The following KIAA1217 variants were observed in gnomAD, a reference collection of about 807,000 sequenced individuals.
KIAA1217 encodes sickle tail protein homolog.
Under a neutral mutation model 163.9 loss-of-function variants are expected in KIAA1217, and 88 were observed. The observed-to-expected ratio is 0.54, with a 90% CI of 0.45 to 0.64. The LOEUF is 0.64. KIAA1217 is among the 30% of genes least tolerant of loss of function. The probability of loss-of-function intolerance (pLI) is 0.00; values close to 1 mark genes in which losing one functional copy is unlikely to be tolerated. For missense variants in KIAA1217, 2,372 were observed against 2,475.0 expected, an observed-to-expected ratio of 0.96 and a Z score of 0.88; for synonymous variants, 903 against 923.1, an observed-to-expected ratio of 0.98 and a Z score of 0.39.
At position 23,953,394 on chromosome 10, in the gene KIAA1217, A is replaced by C. The variant is rs534573694; in HGVS notation, c.-320-53831A>C. Among the ~76,000 whole-genome samples, 3 of 152,348 alleles carry C rather than the reference A, an allele frequency of 2.0e-5. No homozygotes were observed. In the South Asian group the frequency reaches 6.2e-4, roughly 32 times the overall value. Reference sequence around the variant, plus strand: ...ATTATCTCAATATATGGCTCTCAACATACCAAGGAAAGGGGAAAAGTTCAT... The same window carrying C: ...ATTATCTCAATATATGGCTCTCAACCTACCAAGGAAAGGGGAAAAGTTCAT... On this transcript the variant is annotated intron_variant, in intron 1 of 18. Transcript: ENST00000376462.
intron 1 of KIAA1217, among the ~76,000 whole-genome samples, chr10:23,934,580 T>C (rs1443951867): frequency 6.2e-5 from 5 of 80,232 alleles, no homozygotes; most frequent in African/African-American, 1.4e-4. Context: ...TATATATATA[T>C]ATATATATAT....
intron 2 of KIAA1217, among the ~76,000 whole-genome samples, chr10:24,128,629 G>C (rs2063549160): frequency 6.6e-6 from 1 of 152,150 alleles, no homozygotes; most frequent in African/African-American, 2.4e-5. Context: ...TACATGTGCT[G>C]TGGCACATTC....
At chr10:23,988,127 A>G (rs1846061174) in intron 1 of KIAA1217, among the ~76,000 whole-genome samples, 3 of 147,164 alleles carry the variant, frequency 2.0e-5, no homozygotes, top group Admixed American at 1.4e-4. Context: ...CTCCCTTGCC[A>G]TCTGTCGCAG....
chr10:23,782,204 A>T (rs12357906), intron 1 of KIAA1217, among the ~76,000 whole-genome samples: 27,660 of 152,150 alleles, frequency 0.18, 2,663 homozygotes, highest in Middle Eastern at 0.27. Flanking sequence ...AATATGAAAT[A>T]TCTTTCCATT....
chr10:24,121,955 A>G (rs2063297688), intron 2 of KIAA1217, among the ~76,000 whole-genome samples: 1 of 152,168 alleles, frequency 6.6e-6, no homozygotes, highest in African/African-American at 2.4e-5. Flanking sequence ...ATATAACTAC[A>G]TAACGTGTGG....
At chr10:23,828,621 G>T (rs968394742) in intron 1 of KIAA1217, among the ~76,000 whole-genome samples, 2 of 152,090 alleles carry the variant, frequency 1.3e-5, no homozygotes, top group South Asian at 4.1e-4. Flanking sequence ...GTTATGTATG[G>T]GTTGCTTAAA....
chr10:24,165,044 C>T (rs2065281997), intron 2 of KIAA1217, among the ~76,000 whole-genome samples: 1 of 152,184 alleles, frequency 6.6e-6, no homozygotes, highest in African/African-American at 2.4e-5. Flanking sequence ...ACAAACAGTT[C>T]AGTTCCTCAG....
chr10:24,516,543 A>G (rs892353174), intron 10 of KIAA1217, among the ~76,000 whole-genome samples: 1 of 152,236 alleles, frequency 6.6e-6, no homozygotes, highest in African/African-American at 2.4e-5. Context: ...AAGCACTTTC[A>G]CATTTGAGAG....
At chr10:24,247,263 C>T (rs770185940) in intron 2 of KIAA1217, among the ~76,000 whole-genome samples, 3 of 151,552 alleles carry the variant, frequency 2.0e-5, no homozygotes, top group Non-Finnish European at 4.4e-5. Context: ...GTTTCATCAC[C>T]CAGGTATTAT....
In KIAA1217 at chr10:24,543,566, G is replaced by T; in HGVS notation, c.4296G>T (p.Glu1432Asp). 6.2e-7 allele frequency: 1 copy of T among 1,614,072 alleles called. No homozygotes were observed. The highest frequency in any genetic ancestry group is 1.3e-5 in the African/African-American group (1 of 75,006). Residue 1432 changes from glutamate (E) to aspartate (D), a missense_variant, in exon 19 of 21, where the codon GAG becomes GAT. Glu to Asp is a conservative substitution (Grantham distance 45). This residue lies in a region of KIAA1217 where 690 missense variants were observed against 677.5 expected (regional missense o/e 1.02). Coordinates refer to ENST00000376454, the MANE Select transcript of KIAA1217 (RefSeq NM_019590.5). Reference protein sequence around the residue: ...MTPRQEGTDNEDPVVCLDKKP... With the variant: ...MTPRQEGTDNDDPVVCLDKKP... ...CCCGACAAGAAGGGACTGACAATGA[G>T]GATCCAGTCGTGTGCCTGGACAAGA... is the stretch of plus-strand genomic sequence containing the variant.
At chr10:23,800,264 T>G (rs1183269912) in intron 1 of KIAA1217, among the ~76,000 whole-genome samples, 1 of 152,208 alleles carries the variant, frequency 6.6e-6, no homozygotes, top group Non-Finnish European at 1.5e-5. Flanking sequence ...TCAGTGGATT[T>G]GAGGGGGTTC....
intron 6 of KIAA1217, among the ~76,000 whole-genome samples, chr10:24,485,047 C>T (rs1490292048): frequency 6.6e-6 from 1 of 150,912 alleles, no homozygotes; most frequent in South Asian, 2.1e-4. Context: ...AACACCAGGC[C>T]TGGGTGGGAC....
At chr10:24,348,219 G>A (rs1410417821) in intron 2 of KIAA1217, among the ~76,000 whole-genome samples, 1 of 152,012 alleles carries the variant, frequency 6.6e-6, no homozygotes, top group Admixed American at 6.6e-5. Flanking sequence ...TGGGCATGGT[G>A]GCACATGCTT....
chr10:23,951,106 GA>G (rs1332039546), intron 1 of KIAA1217, among the ~76,000 whole-genome samples: 1 of 152,138 alleles, frequency 6.6e-6, no homozygotes, highest in African/African-American at 2.4e-5. Flanking sequence ...GTGAGAACAG[GA>G]ATTCCAAAAG....
chr10:23,860,516 A>G (rs1839902314), intron 1 of KIAA1217, among the ~76,000 whole-genome samples: 1 of 152,206 alleles, frequency 6.6e-6, no homozygotes. Context: ...CAGAACATAT[A>G]TTTTAAAATA....
chr10:24,441,910 G>A (rs1352781453), intron 5 of KIAA1217, among the ~76,000 whole-genome samples: 1 of 152,130 alleles, frequency 6.6e-6, no homozygotes, highest in African/African-American at 2.4e-5. Context: ...TGAAGGAACT[G>A]GACAATTCTG....
At chr10:24,506,713 C>T (rs1040976499) in intron 9 of KIAA1217, among the ~76,000 whole-genome samples, 2 of 152,112 alleles carry the variant, frequency 1.3e-5, no homozygotes, top group African/African-American at 4.8e-5. Flanking sequence ...CTACAGTTGA[C>T]CCAGCTTTCT....
intron 2 of KIAA1217, among the ~76,000 whole-genome samples, chr10:24,021,352 T>C (rs1434099531): frequency 6.6e-6 from 1 of 151,832 alleles, no homozygotes; most frequent in Non-Finnish European, 1.5e-5. Context: ...ACCATTTACA[T>C]TAGCACCAAA....
chr10:24,041,804 G>A (rs1225304020), intron 2 of KIAA1217, among the ~76,000 whole-genome samples: 3 of 152,194 alleles, frequency 2.0e-5, no homozygotes, highest in African/African-American at 7.2e-5. Flanking sequence ...GAAACTGAAC[G>A]TGGTATGCAC....
Sources: gnomAD v4.1 joint callset for allele counts (sites outside exome capture counted in the v4.1 genomes callset) on GRCh38, gnomAD v4.1.1 for gene constraint, gnomAD v4.1.1 regional missense constraint, MANE v1.5 for transcripts, NCBI Gene and HGNC (gene_info 2026-07-23, HGNC 2026-07-21) for gene names.